BBS9: variants seen among roughly 807,000 people sequenced by gnomAD.
BBS9 encodes the protein protein PTHB1.
In BBS9, 89 loss-of-function variants were observed where a neutral mutation model predicts 117.7. The ratio of observed to expected loss-of-function variants is 0.76; its 90% CI spans 0.64 to 0.90. BBS9 has a LOEUF of 0.90. Among genes scored for constraint, BBS9 ranks in the 40% least tolerant of loss-of-function variants. BBS9 has a pLI of 0.00. For missense variants in BBS9, 982 were observed against 1,042.2 expected (o/e 0.94, Z 0.80); for synonymous variants, 379 against 370.9 (o/e 1.02, Z -0.25).
intron 9 of BBS9, among the ~76,000 whole-genome samples, chr7:33,278,218 G>C (rs1298337697): frequency 6.6e-6 from 1 of 152,182 alleles, no homozygotes; most frequent in Non-Finnish European, 1.5e-5. Context: ...TTCCCGAGGT[G>C]TAAGCTATGA....
intron 5 of BBS9, among the ~76,000 whole-genome samples, chr7:33,201,678 A>C (rs974833575): frequency 1.1e-4 from 17 of 152,024 alleles, no homozygotes; most frequent in African/African-American, 4.1e-4. Context: ...TCTTTGAAGA[A>C]GCTCATGTTT....
intron 21 of BBS9, among the ~76,000 whole-genome samples, chr7:33,616,246 AAT>A (rs1205239332): frequency 1.3e-5 from 2 of 150,936 alleles, no homozygotes; most frequent in Admixed American, 6.6e-5. Context: ...AGTGAAATGA[AAT>A]ATATATTGAA....
At chr7:33,433,028 G>A (rs530327052) in intron 19 of BBS9, among the ~76,000 whole-genome samples, 1 of 151,946 alleles carries the variant, frequency 6.6e-6, no homozygotes, top group South Asian at 2.1e-4. Context: ...CAATCACCTA[G>A]CCACTTTACC....
At chr7:33,326,684 T>A (rs1033900894) in intron 9 of BBS9, among the ~76,000 whole-genome samples, 3 of 151,922 alleles carry the variant, frequency 2.0e-5, no homozygotes, top group African/African-American at 7.3e-5. Flanking sequence ...AAGGGCTCTT[T>A]AATCAGTAGG....
At chr7:33,251,976 A>T (rs890883271) in intron 5 of BBS9, among the ~76,000 whole-genome samples, 1 of 152,192 alleles carries the variant, frequency 6.6e-6, no homozygotes, top group Non-Finnish European at 1.5e-5. Context: ...CTGGTAATTT[A>T]TAATTGGCTC....
intron 19 of BBS9, among the ~76,000 whole-genome samples, chr7:33,470,593 T>A (rs1269265411): frequency 1.3e-5 from 2 of 152,190 alleles, no homozygotes; most frequent in Admixed American, 1.3e-4. Context: ...TTCTCTATTT[T>A]CAAAGCTGTA....
chr7:33,425,623 G>T (rs948206351), intron 19 of BBS9, among the ~76,000 whole-genome samples: 1 of 152,260 alleles, frequency 6.6e-6, no homozygotes, highest in Middle Eastern at 3.4e-3. Flanking sequence ...GTGTCGAAAT[G>T]GACAGCAGCT....
intron 9 of BBS9, among the ~76,000 whole-genome samples, chr7:33,291,105 G>T (rs1453534462): frequency 6.6e-6 from 1 of 152,072 alleles, no homozygotes; most frequent in Non-Finnish European, 1.5e-5. Context: ...CCTCACAGCA[G>T]ACCTTATAAA....
intron 9 of BBS9, among the ~76,000 whole-genome samples, chr7:33,282,563 A>G (rs926119470): frequency 6.6e-6 from 1 of 152,000 alleles, no homozygotes; most frequent in Admixed American, 6.6e-5. Context: ...TAGTAGAGAC[A>G]GGGTTTCAAT....
At chr7:33,426,930 C>T (rs1833745416) in intron 19 of BBS9, among the ~76,000 whole-genome samples, 1 of 152,142 alleles carries the variant, frequency 6.6e-6, no homozygotes, top group African/African-American at 2.4e-5. Flanking sequence ...CCTTAGACAA[C>T]AGAGGTAGTA....
chr7:33,159,310 A>G (rs1435486516), intron 4 of BBS9, among the ~76,000 whole-genome samples: 1 of 152,196 alleles, frequency 6.6e-6, no homozygotes, highest in African/African-American at 2.4e-5. Context: ...AAATAGCAGA[A>G]CAGTGGATTT....
At chr7:33,436,643 G>A (rs1327595870) in intron 19 of BBS9, among the ~76,000 whole-genome samples, 1 of 152,158 alleles carries the variant, frequency 6.6e-6, no homozygotes, top group African/African-American at 2.4e-5. Context: ...TCCCTTTGAA[G>A]TCAAGCTGTT....
chr7:33,475,151 C>T (rs1365304659), intron 19 of BBS9, among the ~76,000 whole-genome samples: 1 of 152,180 alleles, frequency 6.6e-6, no homozygotes, highest in Non-Finnish European at 1.5e-5. Context: ...ATATTTTATG[C>T]TTTGCAGTCT....
At chr7:33,138,091 T>C (rs1035519069) in intron 1 of BBS9, among the ~76,000 whole-genome samples, 1 of 152,144 alleles carries the variant, frequency 6.6e-6, no homozygotes, top group African/African-American at 2.4e-5. Flanking sequence ...TTTTTCAGTT[T>C]TTTGATATTA....
At chr7:33,151,850 C>CTTTTTTTTT (rs11346140) in intron 2 of BBS9, among the ~76,000 whole-genome samples, 1 of 82,352 alleles carries the variant, frequency 1.2e-5, no homozygotes, top group African/African-American at 4.5e-5. Context: ...TGCACCCAGC[C>CTTTTTTTTT]TTTTTTTTTT....
At chr7:33,403,210 G>T (rs1046896081) in intron 19 of BBS9, among the ~76,000 whole-genome samples, 1 of 151,372 alleles carries the variant, frequency 6.6e-6, no homozygotes, top group Non-Finnish European at 1.5e-5. Context: ...AGTGAACATG[G>T]TACCCAGTAG....
At chr7:33,304,476 A>T (rs1329431426) in intron 9 of BBS9, among the ~76,000 whole-genome samples, 1 of 150,336 alleles carries the variant, frequency 6.7e-6, no homozygotes, top group East Asian at 2.0e-4. Flanking sequence ...CCCATCTGGG[A>T]AATGAGGAGC....
chr7:33,477,841 G>A (rs1392356532), intron 19 of BBS9, among the ~76,000 whole-genome samples: 2 of 152,202 alleles, frequency 1.3e-5, no homozygotes, highest in African/African-American at 4.8e-5. Context: ...CACTAGTTGT[G>A]TGGTGCCATT....
At chr7:33,616,278 A>G (rs1173794564) in intron 21 of BBS9, among the ~76,000 whole-genome samples, 1 of 150,940 alleles carries the variant, frequency 6.6e-6, no homozygotes, top group Non-Finnish European at 1.5e-5. Flanking sequence ...ACATACACGT[A>G]GTGAAATGAA....
Sources: gnomAD v4.1 joint callset for allele counts (sites outside exome capture counted in the v4.1 genomes callset) on GRCh38, gnomAD v4.1.1 for gene constraint, MANE v1.5 for transcripts, NCBI Gene and HGNC (gene_info 2026-07-23, HGNC 2026-07-21) for gene names.